The following RHBDD1 variants were observed in gnomAD, a reference collection of about 807,000 sequenced individuals.
RHBDD1 encodes rhomboid-related protein 4.
A neutral mutation model predicts 36.3 loss-of-function variants in RHBDD1; 38 were observed. The observed-to-expected ratio is 1.05, with a 90% CI of 0.81 to 1.37. RHBDD1 has a LOEUF of 1.37. RHBDD1 is among the 40% of genes most tolerant of loss of function. The pLI is 0.00. For missense variants in RHBDD1, 393 were observed against 377.6 expected, an observed-to-expected ratio of 1.04 and a Z score of -0.34; for synonymous variants, 151 against 136.5, an observed-to-expected ratio of 1.11 and a Z score of -0.74.
At chr2:226,871,532 A>T (rs1944796058) in intron 5 of RHBDD1, among the ~76,000 whole-genome samples, 1 of 152,152 alleles carries the variant, frequency 6.6e-6, no homozygotes, top group South Asian at 2.1e-4. Context: ...ATTGCCTTTG[A>T]TTATTGTATT....
At chr2:226,900,211 A>G (rs1393417127) in intron 5 of RHBDD1, among the ~76,000 whole-genome samples, 1 of 152,234 alleles carries the variant, frequency 6.6e-6, no homozygotes, top group Non-Finnish European at 1.5e-5. Context: ...AATTAGTTTA[A>G]GAACTACTGG....
chr2:226,988,745 G>A (rs1365287974), intron 8 of RHBDD1: 1 of 907,154 alleles, frequency 1.1e-6, no homozygotes, highest in African/African-American at 1.8e-5. Context: ...GAGATAGAAC[G>A]AGCATAGAGA....
chr2:226,988,279 A>G, intron 8 of RHBDD1: 1 of 1,519,222 alleles, frequency 6.6e-7, no homozygotes, highest in Non-Finnish European at 8.8e-7. Flanking sequence ...AGGCCACTGT[A>G]AGTCTCTTCC....
chr2:226,906,170 G>A (rs908177525), intron 5 of RHBDD1, among the ~76,000 whole-genome samples: 2 of 152,166 alleles, frequency 1.3e-5, no homozygotes, highest in African/African-American at 2.4e-5. Context: ...CCACTGTCAT[G>A]CCCTAACGCA....
At chr2:226,867,577 A>G (rs575351656) in intron 5 of RHBDD1, 3 of 985,222 alleles carry the variant, frequency 3.0e-6, no homozygotes, top group East Asian at 1.1e-4. Flanking sequence ...AGAACCTGCT[A>G]TACTGATCTG....
chr2:226,945,913 G>GT lies in RHBDD1; in HGVS notation c.856+31571dup, dbSNP rs925721544. 3.0e-4 allele frequency among the ~76,000 whole-genome samples: 46 copies of GT among 151,476 alleles called. No individual in the cohort carries two copies. The East Asian group carries it at 4.5e-3, about 15-fold the overall frequency. ...TATTTCTCTAATGACCGGTGATAAG[G>GT]TTTTTTTTTCCTATGTTTGTTGGCC... On this transcript the variant is annotated intron_variant, in intron 8 of 8. Transcript: ENST00000392062.
chr2:226,970,427 T>C (rs1953238814), intron 8 of RHBDD1, among the ~76,000 whole-genome samples: 2 of 152,184 alleles, frequency 1.3e-5, no homozygotes, highest in Admixed American at 6.5e-5. Context: ...TCTCATGATA[T>C]GAGTCTCATG....
At chr2:226,940,582 G>A (rs1950601842) in intron 8 of RHBDD1, among the ~76,000 whole-genome samples, 1 of 152,012 alleles carries the variant, frequency 6.6e-6, no homozygotes, top group South Asian at 2.1e-4. Flanking sequence ...AATTATATAT[G>A]ATTATTATAA....
intron 5 of RHBDD1, among the ~76,000 whole-genome samples, chr2:226,877,234 A>G (rs903799356): frequency 3.3e-5 from 5 of 152,238 alleles, no homozygotes; most frequent in African/African-American, 9.6e-5. Context: ...TGAAGTTTGA[A>G]TAGATCTTTT....
At chr2:226,809,676 A>G in the RHBDD1 span, among the ~76,000 whole-genome samples, 1 of 152,214 alleles carries the variant, frequency 6.6e-6, no homozygotes, top group South Asian at 2.1e-4. Context: ...AATTGCCAAG[A>G]TATGTCCTAA....
rs59301546 is a variant in RHBDD1 at position 226,934,863 on chromosome 2, C to CT, written c.856+20523dup. 9.1e-4 allele frequency among the ~76,000 whole-genome samples: 136 copies of CT among 149,000 alleles called. 1 individual carries two copies. The highest frequency in any genetic ancestry group is 1.6e-3 in the Non-Finnish European group (110 of 67,060). ...TGCATAATTTATGCCTTTTTCTTTT[C>CT]TTTTTTTTTTTAAATAGCCTGCCAC... On this transcript the variant is annotated intron_variant, in intron 8 of 8. Coordinates refer to ENST00000392062, the MANE Select transcript of RHBDD1 (RefSeq NM_001167608.3).
chr2:226,981,435 CA>C (rs201620422), intron 8 of RHBDD1, among the ~76,000 whole-genome samples: 1,587 of 136,742 alleles, frequency 0.012, 6 homozygotes, highest in Admixed American at 0.022. Context: ...CATTGAACTT[CA>C]AAAAAAAAAA....
intron 8 of RHBDD1, among the ~76,000 whole-genome samples, chr2:226,919,991 A>G (rs1488149248): frequency 1.3e-5 from 2 of 151,832 alleles, no homozygotes; most frequent in African/African-American, 2.4e-5. Flanking sequence ...GTCTGCTTCA[A>G]TGTTTTCATC....
intron 8 of RHBDD1, among the ~76,000 whole-genome samples, chr2:226,983,487 G>C (rs919761640): frequency 1.3e-5 from 2 of 152,128 alleles, no homozygotes; most frequent in African/African-American, 2.4e-5. Flanking sequence ...CAACAGCCTT[G>C]TTTTACAAGA....
chr2:226,976,653 C>CAGG (rs2149385151), intron 8 of RHBDD1, among the ~76,000 whole-genome samples: 1 of 152,238 alleles, frequency 6.6e-6, no homozygotes, highest in African/African-American at 2.4e-5. Context: ...CTTCACACAT[C>CAGG]AGGCTATTGT....
At chr2:226,926,753 G>C (rs1343790422) in intron 8 of RHBDD1, among the ~76,000 whole-genome samples, 1 of 152,114 alleles carries the variant, frequency 6.6e-6, no homozygotes, top group Non-Finnish European at 1.5e-5. Context: ...TTTGCTGTTT[G>C]CAAGTTCCAC....
At chr2:226,832,053 C>T (rs1940757215), upstream of RHBDD1, among the ~76,000 whole-genome samples, 1 of 151,150 alleles carries the variant, frequency 6.6e-6, no homozygotes, top group African/African-American at 2.4e-5. Context: ...TATTTCCTCC[C>T]TTTGCTAAAG....
chr2:226,843,464 G>T (rs1487529544), intron 3 of RHBDD1, among the ~76,000 whole-genome samples: 1 of 152,106 alleles, frequency 6.6e-6, no homozygotes, highest in Non-Finnish European at 1.5e-5. Flanking sequence ...AGTTTATTGA[G>T]AGTTTTTAAC....
chr2:226,925,411 C>T (rs916921838), intron 8 of RHBDD1, among the ~76,000 whole-genome samples: 3 of 152,136 alleles, frequency 2.0e-5, no homozygotes, highest in Non-Finnish European at 2.9e-5. Flanking sequence ...TTAAAAATAA[C>T]ATTTTTGAAA....
Sources: gnomAD v4.1 joint callset for allele counts (sites outside exome capture counted in the v4.1 genomes callset) on GRCh38, gnomAD v4.1.1 for gene constraint, MANE v1.5 for transcripts, NCBI Gene and HGNC (gene_info 2026-07-23, HGNC 2026-07-21) for gene names.